Variants in TSEN34 observed in about 807,000 individuals in gnomAD.
TSEN34 encodes the protein tRNA-splicing endonuclease subunit Sen34.
A neutral mutation model predicts 30.2 loss-of-function variants in TSEN34; 25 were observed. The observed-to-expected ratio is 0.83, with a 90% CI of 0.60 to 1.16. The LOEUF is 1.16. TSEN34 is among the 50% of genes most tolerant of loss of function. TSEN34 has a pLI of 0.00. For missense variants in TSEN34, 475 were observed against 411.9 expected (o/e 1.15, Z -1.33); for synonymous variants, 209 against 177.4 (o/e 1.18, Z -1.41).
At position 54,191,888 on chromosome 19, in the gene TSEN34, G is replaced by A; in HGVS notation, c.411G>A (p.Gln137=). ...AGGCTTCAGGGGCCAGCTCAAGCCA[G>A]GAGGCCGGCTCGAGCCAGGCTGCCA... is the stretch of plus-strand genomic sequence containing the variant. ...LEQASGASSS[Q]EAGSSQAAKE... The change falls in exon 2 of 4, where the codon CAG becomes CAA. Residue 137 remains glutamine, a synonymous_variant. Transcript: ENST00000396388. 6.2e-7 allele frequency: 1 copy of A among 1,614,178 alleles called. No individual in the cohort carries two copies. The highest frequency in any genetic ancestry group is 8.5e-7 in the Non-Finnish European group (1 of 1,180,018).
chr19:54,190,661 G>A (rs1418290232), upstream of TSEN34: 1 of 1,261,658 alleles, frequency 7.9e-7, no homozygotes, highest in Non-Finnish European at 1.0e-6. Context: ...GGATTCGGCC[G>A]AGCCGAGAAC....
In TSEN34 at chr19:54,192,198, C is replaced by T; in HGVS notation, c.570C>T (p.Ala190=). The change falls in exon 3 of 4, where the codon GCC becomes GCT. Residue 190 remains alanine (A), a synonymous_variant. Transcript: ENST00000396388. ...RSALLVQLAT[A]RPRPVKARPL... is the part of the protein sequence containing the mutation. ...CTCTCCTTGTCCAGCTGGCCACTGC[C>T]AGGCCTCGACCGGTCAAGGCCAGGC... 8.7e-6 allele frequency: 14 copies of T among 1,614,182 alleles called. No individual in the cohort carries two copies. The highest frequency in any genetic ancestry group is 1.1e-5 in the Non-Finnish European group (13 of 1,180,006).
rs748785827 is a variant in TSEN34, at chr19:54,193,306, C to T, written c.877C>T (p.Pro293Ser). 4 of 1,614,182 alleles carry T rather than the reference C, an allele frequency of 2.5e-6. No individual in the cohort carries two copies. In the South Asian group the frequency reaches 4.4e-5, roughly 18 times the overall value. Residue 293 changes from proline to serine, a missense_variant, in exon 4 of 4, where the codon CCG becomes TCG. Physicochemically the swap from Pro to Ser is moderately conservative, Grantham distance 74 (BLOSUM62 -1). Coordinates refer to ENST00000396388, the MANE Select transcript of TSEN34 (RefSeq NM_001077446.4). ...CAGAAAGACCCTGCTCCTCTGTTCT[C>T]CGCAGCCTGATGGTAAGGTGGTCTA... is the stretch of plus-strand genomic sequence containing the variant. The part of the protein sequence containing the change: ...SVRKTLLLCS[P>S]QPDGKVVYTS...
chr19:54,191,809 A>G lies in TSEN34; in HGVS notation c.332A>G (p.Glu111Gly). 1 of 1,614,142 alleles carries G rather than the reference A, an allele frequency of 6.2e-7. No individual in the cohort carries two copies. The highest frequency in any genetic ancestry group is 8.5e-7 in the Non-Finnish European group (1 of 1,180,020). Reference protein sequence around the residue: ...AAEARETRRQELLEKITEGQA... With the variant: ...AAEARETRRQGLLEKITEGQA... ...GAGGCCCGGGAGACCCGTCGTCAGGAGCTCCTGGAGAAGATTACGGAGGGC... is the reference window on the plus strand; with the variant it reads ...GAGGCCCGGGAGACCCGTCGTCAGGGGCTCCTGGAGAAGATTACGGAGGGC... The change falls in exon 2 of 4, where the codon GAG (glutamate) becomes GGG (glycine). Residue 111 changes from glutamate (E) to glycine (G), a missense_variant. Coordinates refer to ENST00000396388, the MANE Select transcript of TSEN34 (RefSeq NM_001077446.4).
rs969895008 is a variant in TSEN34 at position 54,192,327 on chromosome 19, C to T, written c.699C>T (p.Phe233=). The T allele has an allele frequency of 1.7e-5, 28 of 1,614,056 alleles. No homozygotes were observed. Among genetic ancestry groups the T allele is most frequent in the Admixed American group, 1.2e-4 (7 of 60,002 alleles). The part of the protein sequence containing the change: ...IYRDLWERGF[F]LSAAGKFGGD... Reference sequence around the variant, plus strand: ...GAGACCTGTGGGAGCGAGGCTTCTTCCTCAGTGCGGCTGGCAAGTTCGGAG... The same window carrying T: ...GAGACCTGTGGGAGCGAGGCTTCTTTCTCAGTGCGGCTGGCAAGTTCGGAG... The change falls in exon 3 of 4, where the codon TTC becomes TTT. Residue 233 remains phenylalanine, a synonymous_variant. Transcript: ENST00000396388.
upstream of TSEN34, chr19:54,191,000 C>T (rs2076656965): frequency 1.8e-6 from 2 of 1,115,948 alleles, no homozygotes; most frequent in African/African-American, 3.3e-5. Flanking sequence ...TGTCGCCGCG[C>T]TTGCGGAGGT....
upstream of TSEN34, chr19:54,190,526 G>A: frequency 7.6e-7 from 1 of 1,310,682 alleles, no homozygotes; most frequent in Non-Finnish European, 9.9e-7. Flanking sequence ...TCGGTCGTAG[G>A]GCGGGAACTC....
chr19:54,190,383 G>A (rs977964774), upstream of TSEN34: 2 of 1,504,942 alleles, frequency 1.3e-6, no homozygotes, highest in Non-Finnish European at 8.9e-7. Context: ...TGACTCGCTG[G>A]TTCTATCGGT....
chr19:54,191,995 C>T (rs370539192), intron 2 of TSEN34, 31 bp downstream of exon 2: 391 of 1,614,064 alleles, frequency 2.4e-4, no homozygotes, highest in Non-Finnish European at 3.2e-4. Context: ...CCAGGGACCA[C>T]GGGAAGGAGA....
intron 1 of TSEN34, 55 bp from the exon 2 acceptor site, chr19:54,191,666 C>G (rs142463568): frequency 6.2e-7 from 1 of 1,611,398 alleles, no homozygotes; most frequent in Non-Finnish European, 8.5e-7. Flanking sequence ...AGTCAAGTTT[C>G]CTGGCTTCTG....
chr19:54,192,829 A>C lies in TSEN34; in HGVS notation c.746-346A>C, dbSNP rs1241448578. On this transcript the variant is annotated intron_variant, in intron 3 of 3. Transcript: ENST00000396388. ...ATACCAGTCTGGCCAACATGGTGAAACCCCATCTCTACTAAAAATACTAAA... is the reference window on the plus strand; with the variant it reads ...ATACCAGTCTGGCCAACATGGTGAACCCCCATCTCTACTAAAAATACTAAA... 2.6e-5 allele frequency among the ~76,000 whole-genome samples: 4 copies of C among 151,940 alleles called. No individual in the cohort carries two copies. In the East Asian group the frequency reaches 7.7e-4, roughly 29 times the overall value.
chr19:54,190,286 T>G, upstream of TSEN34: 1 of 1,318,882 alleles, frequency 7.6e-7, no homozygotes. Flanking sequence ...TTGACGAGGG[T>G]GTCGGCATGA....
rs1490191746 is a variant in TSEN34 at position 54,193,669 on chromosome 19, T to C, written c.*307T>C. On this transcript the variant is annotated 3_prime_UTR_variant, in exon 4 of 4. Coordinates refer to ENST00000396388, the MANE Select transcript of TSEN34 (RefSeq NM_001077446.4). ...AATAAACTTGGTATATAAATGTTCA[T>C]GATTTGAATGTTTGCGACAGTCCTG... 6.6e-6 allele frequency: 6 copies of C among 906,612 alleles called. No individual in the cohort carries two copies. Among genetic ancestry groups the C allele is most frequent in the Non-Finnish European group, 1.0e-5 (6 of 571,966 alleles). 56.2% of individuals were successfully genotyped at this position (906,612 alleles called of 1,614,324 possible).
chr19:54,190,809 G>A (rs933424538), upstream of TSEN34: 2 of 1,083,362 alleles, frequency 1.8e-6, no homozygotes, highest in South Asian at 3.9e-5. Flanking sequence ...GAGCGAGGAG[G>A]TCCGAAAGCC....
intron 3 of TSEN34, 90 bp downstream of exon 3, chr19:54,192,463 A>G: frequency 6.6e-7 from 1 of 1,514,320 alleles, no homozygotes; most frequent in Non-Finnish European, 9.0e-7. Flanking sequence ...TTTTGTCTTA[A>G]TAGAGGTGGG....
In TSEN34 at chr19:54,191,325, T is replaced by G; in HGVS notation, c.-40T>G. 6.5e-7 allele frequency: 1 copy of G among 1,548,084 alleles called. No individual in the cohort carries two copies. Among genetic ancestry groups the G allele is most frequent in the South Asian group, 1.2e-5 (1 of 83,980 alleles). On this transcript the variant is annotated 5_prime_UTR_variant, in exon 1 of 4. Coordinates refer to ENST00000396388, the MANE Select transcript of TSEN34 (RefSeq NM_001077446.4). ...GCTGCAGCGGTCCGCGGCGCGCAGC[T>G]GTTTCGGTAACTGCTTTGCCTCCCG...
Position 54,192,335 on chromosome 19 carries a change from C to T in TSEN34, c.707C>T (p.Ala236Val), listed in dbSNP as rs1227908081. 6.8e-6 allele frequency: 11 copies of T among 1,613,994 alleles called. No individual in the cohort carries two copies. Among genetic ancestry groups the T allele is most frequent in the Non-Finnish European group, 8.5e-7 (1 of 1,180,038 alleles). ...DLWERGFFLS[A>V]AGKFGGDFLV... ...TGGGAGCGAGGCTTCTTCCTCAGTG[C>T]GGCTGGCAAGTTCGGAGGTGACTTC... Residue 236 changes from alanine (A) to valine (V), a missense_variant, in exon 3 of 4, where the codon GCG becomes GTG. By Grantham distance (64) the Ala-to-Val change is moderately conservative. Coordinates refer to ENST00000396388, the MANE Select transcript of TSEN34 (RefSeq NM_001077446.4).
chr19:54,193,250 T>C lies in TSEN34; in HGVS notation c.821T>C (p.Leu274Pro), dbSNP rs760855217. The change falls in exon 4 of 4, where the codon CTG (leucine) becomes CCG (proline). Residue 274 changes from leucine to proline, a missense_variant. Physicochemically the swap from Leu to Pro is moderately conservative, Grantham distance 98. Transcript: ENST00000396388. ...GAGGACACCATCCCACTCCAAGACC[T>C]GGTTGCTGCTGGGCGCCTTGGAACC... ...APEDTIPLQD[L>P]VAAGRLGTSV... The C allele has an allele frequency of 6.2e-7, 1 of 1,614,038 alleles. No homozygotes were observed. Among genetic ancestry groups the C allele is most frequent in the Non-Finnish European group, 8.5e-7 (1 of 1,180,008 alleles).
At chr19:54,190,247 C>G, upstream of TSEN34, 1 of 998,836 alleles carries the variant, frequency 1.0e-6, no homozygotes, top group Non-Finnish European at 1.5e-6. Flanking sequence ...CCTGACTTCC[C>G]GCGGCGCTGA....
Sources: allele counts gnomAD v4.1 joint callset (sites outside exome capture counted in the v4.1 genomes callset), GRCh38; gene constraint gnomAD v4.1.1; transcripts MANE v1.5; gene names NCBI Gene and HGNC (gene_info 2026-07-23, HGNC 2026-07-21).